Variants in KIF16B observed in about 807,000 individuals in gnomAD.
KIF16B encodes kinesin family member 16B.
In KIF16B, 98 loss-of-function variants were observed where a neutral mutation model predicts 156.3. The observed-to-expected ratio is 0.63, with a 90% confidence interval of 0.53 to 0.74. KIF16B has a LOEUF of 0.74. Among genes scored for constraint, KIF16B ranks in the 30% least tolerant of loss-of-function variants. The pLI is 0.00. For synonymous variants in KIF16B, 564 were observed against 583.7 expected (o/e 0.97, Z 0.49); for missense variants, 1,421 against 1,606.5 (o/e 0.88, Z 1.97).
intron 12 of KIF16B, among the ~76,000 whole-genome samples, chr20:16,436,828 A>C (rs1289651375): frequency 6.6e-6 from 1 of 152,200 alleles, no homozygotes; most frequent in African/African-American, 2.4e-5. Context: ...TAGCATTAAA[A>C]GGCTACAAAA....
intron 13 of KIF16B, 94 bp downstream of exon 13, chr20:16,429,768 GT>G: frequency 9.9e-7 from 1 of 1,015,094 alleles, no homozygotes; most frequent in Non-Finnish European, 1.4e-6. Flanking sequence ...TAATTTAGTT[GT>G]GTTCATGACC....
intron 17 of KIF16B, among the ~76,000 whole-genome samples, chr20:16,396,467 C>T (rs1014438313): frequency 5.3e-5 from 8 of 151,702 alleles, no homozygotes; most frequent in Non-Finnish European, 1.2e-4. Context: ...ACTCTAAAGT[C>T]CAATATTAAT....
At chr20:16,477,945 C>G (rs1428352486) in intron 12 of KIF16B, among the ~76,000 whole-genome samples, 4 of 152,106 alleles carry the variant, frequency 2.6e-5, no homozygotes, top group African/African-American at 9.7e-5. Flanking sequence ...AGACTCACCA[C>G]AGCTGGGATG....
chr20:16,325,085 T>C (rs979386777), intron 24 of KIF16B, among the ~76,000 whole-genome samples: 4 of 152,000 alleles, frequency 2.6e-5, no homozygotes, highest in African/African-American at 4.8e-5. Context: ...GAAAAGGGAT[T>C]TGACAAAATC....
chr20:16,473,322 A>G (rs1044391577), intron 12 of KIF16B, among the ~76,000 whole-genome samples: 4 of 152,172 alleles, frequency 2.6e-5, no homozygotes, highest in African/African-American at 9.7e-5. Flanking sequence ...TGTTTCCCAG[A>G]CTTATTTGAG....
chr20:16,533,949 A>AAAAAAAT (rs1284068655), intron 1 of KIF16B, among the ~76,000 whole-genome samples: 1 of 152,216 alleles, frequency 6.6e-6, no homozygotes, highest in South Asian at 2.1e-4. Flanking sequence ...AACAGTTTAA[A>AAAAAAAT]AAAAAATAAA....
At chr20:16,325,392 C>T (rs1422192419) in intron 24 of KIF16B, among the ~76,000 whole-genome samples, 1 of 151,676 alleles carries the variant, frequency 6.6e-6, no homozygotes, top group Non-Finnish European at 1.5e-5. Flanking sequence ...TAATTGTATG[C>T]CTAGAAAACC....
At chr20:16,428,059 T>C (rs573198115) in intron 14 of KIF16B, among the ~76,000 whole-genome samples, 1 of 152,270 alleles carries the variant, frequency 6.6e-6, no homozygotes, top group South Asian at 2.1e-4. Flanking sequence ...ATCAAACACA[T>C]AATTTAACAA....
chr20:16,435,269 A>C (rs1012322039), intron 12 of KIF16B, among the ~76,000 whole-genome samples: 3 of 152,206 alleles, frequency 2.0e-5, no homozygotes, highest in Non-Finnish European at 4.4e-5. Context: ...ATGACATCAT[A>C]GCTGTGTCGA....
intron 25 of KIF16B, among the ~76,000 whole-genome samples, chr20:16,287,665 A>G (rs1210743407): frequency 1.3e-5 from 2 of 152,230 alleles, no homozygotes; most frequent in Non-Finnish European, 2.9e-5. Flanking sequence ...TGTGATATTC[A>G]GTTTTTACAG....
intron 25 of KIF16B, among the ~76,000 whole-genome samples, chr20:16,291,280 CA>C (rs2063311164): frequency 6.6e-6 from 1 of 152,176 alleles, no homozygotes; most frequent in Admixed American, 6.5e-5. Flanking sequence ...ATTTGTGCTT[CA>C]AAGCCACACT....
intron 20 of KIF16B, among the ~76,000 whole-genome samples, chr20:16,372,461 C>T (rs1277974847): frequency 6.6e-6 from 1 of 152,208 alleles, no homozygotes; most frequent in Non-Finnish European, 1.5e-5. Context: ...TCTGATATCT[C>T]ATAAAATGTA....
rs571162228 is a variant in KIF16B at position 16,435,125 on chromosome 20, A to C, written c.1303-5143T>G. Among the ~76,000 whole-genome samples, 3 of 152,372 alleles carry C rather than the reference A, an allele frequency of 2.0e-5. No homozygotes were observed. The South Asian group carries it at 6.2e-4, about 32-fold the overall frequency. Reference sequence around the variant, plus strand: ...TATTAATATAAGAGGTATTTCCTAAAATATCCTTGTAAGTCAAGAGGTTAT... The same window carrying C: ...TATTAATATAAGAGGTATTTCCTAACATATCCTTGTAAGTCAAGAGGTTAT... On this transcript the variant is annotated intron_variant, in intron 12 of 25. Coordinates refer to ENST00000354981, the MANE Select transcript of KIF16B (RefSeq NM_024704.5).
chr20:16,359,151 T>C (rs546861391), intron 22 of KIF16B, among the ~76,000 whole-genome samples: 1 of 152,336 alleles, frequency 6.6e-6, no homozygotes, highest in Admixed American at 6.5e-5. Context: ...GGGTATTTTA[T>C]GACTGGTGAT....
Position 16,444,125 on chromosome 20 carries a change from T to C in KIF16B, c.1303-14143A>G, listed in dbSNP as rs73898756. On this transcript the variant is annotated intron_variant, in intron 12 of 25. Transcript: ENST00000354981. ...TTCCTAAGCCATTACAAACTTCAAC[T>C]ATAAAATCTCACATCTTTCATTAGT... 4.4e-3 allele frequency among the ~76,000 whole-genome samples: 677 copies of C among 152,356 alleles called. 3 individuals carry two copies. Among genetic ancestry groups the C allele is most frequent in the Middle Eastern group, 0.024 (7 of 294 alleles).
intron 12 of KIF16B, among the ~76,000 whole-genome samples, chr20:16,488,922 A>G (rs2068203342): frequency 6.6e-6 from 1 of 152,244 alleles, no homozygotes; most frequent in Admixed American, 6.5e-5. Context: ...CAGAGCCTGC[A>G]TGTGGAACAC....
rs182107673 is a variant in KIF16B, at chr20:16,350,694, A to C, written c.3621+5636T>G. 5.3e-3 allele frequency among the ~76,000 whole-genome samples: 784 copies of C among 148,556 alleles called. 9 individuals are homozygous for C. The highest frequency in any genetic ancestry group is 0.017 in the African/African-American group (686 of 40,158). On this transcript the variant is annotated intron_variant, in intron 23 of 25. Coordinates refer to ENST00000354981, the MANE Select transcript of KIF16B (RefSeq NM_024704.5). ...GGGCAGAATGGCTCATCAGTGACTGACTCCATCAGTGCGGATGGAGCATGA... is the reference window on the plus strand; with the variant it reads ...GGGCAGAATGGCTCATCAGTGACTGCCTCCATCAGTGCGGATGGAGCATGA...
chr20:16,288,730 T>C (rs867273898), intron 25 of KIF16B, among the ~76,000 whole-genome samples: 73 of 150,852 alleles, frequency 4.8e-4, no homozygotes, highest in African/African-American at 1.7e-3. Flanking sequence ...ACACAGTATG[T>C]ACTGATGATA....
At chr20:16,464,032 G>A (rs547089981) in intron 12 of KIF16B, among the ~76,000 whole-genome samples, 5 of 152,202 alleles carry the variant, frequency 3.3e-5, no homozygotes, top group African/African-American at 4.8e-5. Context: ...CCAGAGGTAC[G>A]TGATTGAAAT....
Sources: allele counts gnomAD v4.1 joint callset (sites outside exome capture counted in the v4.1 genomes callset), GRCh38; gene constraint gnomAD v4.1.1; transcripts MANE v1.5; gene names NCBI Gene and HGNC (gene_info 2026-07-23, HGNC 2026-07-21).